The following LEF1 variants were observed in gnomAD, a reference collection of about 807,000 sequenced individuals.
LEF1 encodes lymphoid enhancer-binding factor 1.
A neutral mutation model predicts 51.2 loss-of-function variants in LEF1; 14 were observed. The observed-to-expected ratio is 0.27, with a 90% CI of 0.18 to 0.43. The LOEUF is 0.43. Ranked by LOEUF, LEF1 falls within the 20% of genes least tolerant of loss-of-function variation. The pLI is 1.00. For missense variants in LEF1, 386 were observed against 512.0 expected (o/e 0.75, Z 2.37); for synonymous variants, 185 against 183.2 (o/e 1.01, Z -0.08).
intron 3 of LEF1, among the ~76,000 whole-genome samples, chr4:108,098,050 A>G (rs1388478586): frequency 6.6e-6 from 1 of 152,176 alleles, no homozygotes; most frequent in African/African-American, 2.4e-5. Context: ...GACAAATTCC[A>G]GAAAGATTTC....
intron 3 of LEF1, among the ~76,000 whole-genome samples, chr4:108,140,537 T>C: frequency 6.6e-6 from 1 of 152,218 alleles, no homozygotes; most frequent in East Asian, 1.9e-4. Flanking sequence ...CTCTGATGTC[T>C]AAGCTGGAGC....
At chr4:108,095,816 G>A (rs1297564687) in intron 3 of LEF1, among the ~76,000 whole-genome samples, 2 of 152,170 alleles carry the variant, frequency 1.3e-5, no homozygotes, top group Non-Finnish European at 2.9e-5. Context: ...AATTCATTCT[G>A]GGAGCCAAAA....
intron 3 of LEF1, among the ~76,000 whole-genome samples, chr4:108,133,033 G>A (rs1485028300): frequency 3.3e-5 from 5 of 151,948 alleles, no homozygotes; most frequent in African/African-American, 2.4e-5. Context: ...GAGTGCAGTG[G>A]TGCAGTCTCG....
chr4:108,092,413 CAG>C (rs977900995), intron 3 of LEF1, among the ~76,000 whole-genome samples: 7 of 152,130 alleles, frequency 4.6e-5, no homozygotes, highest in Non-Finnish European at 1.0e-4. Flanking sequence ...TGTATATAAA[CAG>C]AACAAAGTGG....
At chr4:108,102,409 T>C (rs1464164754) in intron 3 of LEF1, among the ~76,000 whole-genome samples, 1 of 152,168 alleles carries the variant, frequency 6.6e-6, no homozygotes, top group Non-Finnish European at 1.5e-5. Flanking sequence ...GGCTATGCCC[T>C]TTCTCTTCAG....
At chr4:108,052,932 A>T (rs1737096167) in intron 11 of LEF1, among the ~76,000 whole-genome samples, 1 of 152,222 alleles carries the variant, frequency 6.6e-6, no homozygotes, top group Non-Finnish European at 1.5e-5. Flanking sequence ...ACTTACAGAT[A>T]AGGACACTGA....
chr4:108,088,512 C>G (rs1189857853), intron 4 of LEF1, among the ~76,000 whole-genome samples: 1 of 152,156 alleles, frequency 6.6e-6, no homozygotes, highest in Non-Finnish European at 1.5e-5. Context: ...ACACATCAGG[C>G]AGAAACAGGA....
rs890476131 is a variant in LEF1 at position 108,167,065 on chromosome 4, C to G, written c.213+490G>C. 2.0e-5 allele frequency among the ~76,000 whole-genome samples: 3 copies of G among 152,184 alleles called. No individual in the cohort carries two copies. ...GCCCACGCCCGCCTCCCCTTCCTCC[C>G]GCCTGTGGCTCTGCTCGTCTCCACC... On this transcript the variant is annotated intron_variant, in intron 1 of 11. Coordinates refer to ENST00000265165, the MANE Select transcript of LEF1 (RefSeq NM_016269.5). This position sits in a 1 kb window ranked among gnomAD's most constrained non-coding sequence, Gnocchi z 5.7.
At chr4:108,133,533 G>A (rs1382295167) in intron 3 of LEF1, among the ~76,000 whole-genome samples, 3 of 152,076 alleles carry the variant, frequency 2.0e-5, no homozygotes, top group Non-Finnish European at 4.4e-5. Context: ...ATCCACCTAG[G>A]ACTAAAACTA....
intron 3 of LEF1, among the ~76,000 whole-genome samples, chr4:108,131,996 T>C (rs535584666): frequency 2.0e-5 from 3 of 152,126 alleles, no homozygotes; most frequent in Non-Finnish European, 4.4e-5. Context: ...AAGGTAAACG[T>C]TTTTATTGAC....
At chr4:108,165,220 A>C in intron 1 of LEF1, 57 bp from the exon 2 acceptor site, 1 of 1,512,628 alleles carries the variant, frequency 6.6e-7, no homozygotes, top group Non-Finnish European at 9.2e-7. Flanking sequence ...AGTTTGTGAC[A>C]ATAATGGTAC....
At chr4:108,052,169 C>T (rs1461410599) in intron 11 of LEF1, among the ~76,000 whole-genome samples, 2 of 152,162 alleles carry the variant, frequency 1.3e-5, no homozygotes, top group Non-Finnish European at 2.9e-5. Context: ...CCACTCAGGG[C>T]TCACTGGCCA....
intron 11 of LEF1, among the ~76,000 whole-genome samples, chr4:108,059,646 C>G (rs1319444600): frequency 1.3e-5 from 2 of 152,100 alleles, no homozygotes; most frequent in African/African-American, 4.8e-5. Context: ...CGTCAACTTC[C>G]CTTCAGAATT....
intron 9 of LEF1, 188 bp downstream of exon 9, chr4:108,070,475 C>T: frequency 3.1e-6 from 1 of 326,906 alleles, no homozygotes; most frequent in Non-Finnish European, 5.5e-6. Context: ...GCACCCATAG[C>T]AAAAAAAAAA....
chr4:108,079,433 C>G, intron 7 of LEF1, 59 bp downstream of exon 7: 1 of 1,586,838 alleles, frequency 6.3e-7, no homozygotes, highest in Non-Finnish European at 8.6e-7. Context: ...AAAGGAGCAA[C>G]AGTGTAGAAA....
At chr4:108,141,665 C>T (rs568397544) in intron 3 of LEF1, among the ~76,000 whole-genome samples, 3 of 152,202 alleles carry the variant, frequency 2.0e-5, no homozygotes, top group Non-Finnish European at 2.9e-5. Context: ...GCCAAGGCCG[C>T]AAGCAGTTGT....
chr4:108,064,278 C>T, intron 10 of LEF1, 58 bp downstream of exon 10: 7 of 1,188,100 alleles, frequency 5.9e-6, no homozygotes, highest in Non-Finnish European at 8.8e-6. Context: ...ATGCAAACTG[C>T]CTTAAAAGGT....
At chr4:108,113,403 T>C (rs1370786986) in intron 3 of LEF1, among the ~76,000 whole-genome samples, 1 of 152,174 alleles carries the variant, frequency 6.6e-6, no homozygotes, top group African/African-American at 2.4e-5. Context: ...ACTGAACGAC[T>C]GTCTTTTGAC....
intron 11 of LEF1, among the ~76,000 whole-genome samples, chr4:108,053,541 G>A (rs1737139271): frequency 6.6e-6 from 1 of 152,186 alleles, no homozygotes; most frequent in African/African-American, 2.4e-5. Flanking sequence ...GCTATTCAGA[G>A]TGAATTACCA....
Sources: allele counts gnomAD v4.1 joint callset (sites outside exome capture counted in the v4.1 genomes callset), GRCh38; gene constraint gnomAD v4.1.1; non-coding constraint Gnocchi (gnomAD v3.1); transcripts MANE v1.5; gene names NCBI Gene and HGNC (gene_info 2026-07-23, HGNC 2026-07-21).